Variants in MYO16 observed in about 807,000 individuals in gnomAD.
MYO16 encodes the protein myosin XVI.
A neutral mutation model predicts 205.3 loss-of-function variants in MYO16; 94 were observed. The observed-to-expected ratio is 0.46, with a 90% confidence interval of 0.39 to 0.54. The LOEUF (loss-of-function observed/expected upper bound fraction) is 0.54, where lower values mean the gene tolerates loss of function less well. Ranked by LOEUF, MYO16 falls within the 20% of genes least tolerant of loss-of-function variation. The pLI is 0.00. For missense variants in MYO16, 2,315 were observed against 2,387.5 expected (o/e 0.97, Z 0.63); for synonymous variants, 988 against 954.0 (o/e 1.04, Z -0.66).
the MYO16 span, among the ~76,000 whole-genome samples, chr13:108,585,861 A>G: frequency 2.0e-5 from 3 of 152,246 alleles, no homozygotes; most frequent in South Asian, 2.1e-4. Flanking sequence ...TTATATGTAG[A>G]TAAAAATATA....
chr13:108,518,373 CAAG>C, the MYO16 span, among the ~76,000 whole-genome samples: 1 of 152,088 alleles, frequency 6.6e-6, no homozygotes, highest in Non-Finnish European at 1.5e-5. Flanking sequence ...TTTGATACAT[CAAG>C]AAGATGTTCC....
At chr13:108,726,165 C>T (rs893415549) in intron 3 of MYO16, among the ~76,000 whole-genome samples, 1 of 152,122 alleles carries the variant, frequency 6.6e-6, no homozygotes, top group African/African-American at 2.4e-5. Context: ...GTATGTATCT[C>T]ATAACCCAGA....
intron 16 of MYO16, among the ~76,000 whole-genome samples, chr13:108,955,565 C>T (rs1883317517): frequency 6.6e-6 from 1 of 152,158 alleles, no homozygotes; most frequent in Admixed American, 6.5e-5. Context: ...CTTAAAGTCA[C>T]CTTCTCCAGC....
intron 7 of MYO16, among the ~76,000 whole-genome samples, chr13:108,815,324 A>G (rs2139003351): frequency 6.6e-6 from 1 of 152,336 alleles, no homozygotes; most frequent in Non-Finnish European, 1.5e-5. Flanking sequence ...TTTGCATTGT[A>G]ACTAAGCTAA....
At chr13:109,022,165 A>G (rs913296551) in intron 23 of MYO16, among the ~76,000 whole-genome samples, 2 of 137,892 alleles carry the variant, frequency 1.5e-5, no homozygotes, top group African/African-American at 5.8e-5. Context: ...ATTTATATAT[A>G]CAAATATATA....
chr13:108,510,623 C>T, the MYO16 span, among the ~76,000 whole-genome samples: 150 of 54,432 alleles, frequency 2.8e-3, 1 homozygote, highest in African/African-American at 0.011. Flanking sequence ...TCCCTCCCCC[C>T]TCCCCCGACC....
At chr13:109,135,071 A>G (rs930329408) in intron 31 of MYO16, among the ~76,000 whole-genome samples, 1 of 152,132 alleles carries the variant, frequency 6.6e-6, no homozygotes, top group African/African-American at 2.4e-5. Flanking sequence ...CAGCGCCTCA[A>G]GTGTGTCCTC....
chr13:108,793,285 CAAAA>C (rs756851025), intron 5 of MYO16, among the ~76,000 whole-genome samples: 1 of 98,898 alleles, frequency 1.0e-5, no homozygotes, highest in Admixed American at 1.1e-4. Context: ...GACTCTGTCT[CAAAA>C]AAAAAAAAAA....
At chr13:108,703,697 A>G (rs1317471614) in intron 2 of MYO16, among the ~76,000 whole-genome samples, 1 of 152,236 alleles carries the variant, frequency 6.6e-6, no homozygotes, top group Admixed American at 6.5e-5. Flanking sequence ...AAAATATTAC[A>G]AAGTATGTTC....
intron 16 of MYO16, among the ~76,000 whole-genome samples, chr13:108,933,855 G>T (rs1882367965): frequency 1.3e-5 from 2 of 152,012 alleles, no homozygotes; most frequent in South Asian, 2.1e-4. Flanking sequence ...TGTGATATTT[G>T]CTTTTCTGTT....
chr13:109,016,897 A>G (rs1327033348), intron 22 of MYO16, among the ~76,000 whole-genome samples: 1 of 152,006 alleles, frequency 6.6e-6, no homozygotes, highest in East Asian at 1.9e-4. Context: ...CAGCACACTG[A>G]TGGGTCTTGA....
intron 23 of MYO16, among the ~76,000 whole-genome samples, chr13:109,046,643 C>T (rs1383569738): frequency 6.6e-6 from 1 of 152,166 alleles, no homozygotes; most frequent in Admixed American, 6.5e-5. Flanking sequence ...AAGGAAACTA[C>T]ATGAATGTGA....
In MYO16 at chr13:108,804,435, C is replaced by G. The variant is rs77057206; in HGVS notation, c.742-2244C>G. 8.8e-3 allele frequency among the ~76,000 whole-genome samples: 1,334 copies of G among 152,218 alleles called. 24 individuals are homozygous for G. Among genetic ancestry groups the G allele is most frequent in the African/African-American group, 0.031 (1,282 of 41,526 alleles). On this transcript the variant is annotated intron_variant, in intron 6 of 34. Coordinates refer to ENST00000457511, the MANE Select transcript of MYO16 (RefSeq NM_001198950.3). Reference sequence around the variant, plus strand: ...GGATCAACACTGTTGCAGTTGGGCACCTGATATCCTCTAGTCATAGTCAGG... The same window carrying G: ...GGATCAACACTGTTGCAGTTGGGCAGCTGATATCCTCTAGTCATAGTCAGG...
chr13:109,184,630 C>T (rs1220020538), intron 34 of MYO16, among the ~76,000 whole-genome samples: 1 of 152,038 alleles, frequency 6.6e-6, no homozygotes, highest in African/African-American at 2.4e-5. Context: ...AGATAGTCTC[C>T]CTCTGTCCCA....
intron 33 of MYO16, among the ~76,000 whole-genome samples, chr13:109,178,385 CTTG>C (rs1879311726): frequency 2.0e-5 from 3 of 152,178 alleles, no homozygotes; most frequent in Admixed American, 6.5e-5. Context: ...CCTGGAAGGC[CTTG>C]TTGTGTGTTG....
At position 108,840,623 on chromosome 13, in the gene MYO16, G is replaced by A. The variant is rs576065234; in HGVS notation, c.1098-3720G>A. Among the ~76,000 whole-genome samples the A allele has an allele frequency of 2.3e-4, 35 of 152,062 alleles. No homozygotes were observed. The South Asian group carries it at 6.7e-3, about 29-fold the overall frequency. ...TGCAATCACAGTTCACTGCAGCCTCGACCTCATAGGCCCAAGTGATCCTCC... is the reference window on the plus strand; with the variant it reads ...TGCAATCACAGTTCACTGCAGCCTCAACCTCATAGGCCCAAGTGATCCTCC... On this transcript the variant is annotated intron_variant, in intron 9 of 34. Coordinates refer to ENST00000457511, the MANE Select transcript of MYO16 (RefSeq NM_001198950.3).
intron 24 of MYO16, among the ~76,000 whole-genome samples, chr13:109,050,141 T>C (rs1887197721): frequency 3.3e-5 from 5 of 152,180 alleles, no homozygotes; most frequent in Middle Eastern, 3.2e-3. Flanking sequence ...TATAAAGTTT[T>C]ACCAATTGTC....
intron 14 of MYO16, among the ~76,000 whole-genome samples, chr13:108,893,889 A>G (rs1448667974): frequency 6.6e-6 from 1 of 152,190 alleles, no homozygotes; most frequent in Non-Finnish European, 1.5e-5. Flanking sequence ...GTTGCCAAAT[A>G]ATGTGTAGTA....
At chr13:108,765,947 G>C (rs150266933) in intron 4 of MYO16, among the ~76,000 whole-genome samples, 1,554 of 152,232 alleles carry the variant, frequency 0.01, 13 homozygotes, top group Non-Finnish European at 0.017. Context: ...TTAAATGGCT[G>C]TAATAAAGGT....
Sources: allele counts gnomAD v4.1 joint callset (sites outside exome capture counted in the v4.1 genomes callset), GRCh38; gene constraint gnomAD v4.1.1; transcripts MANE v1.5; gene names NCBI Gene and HGNC (gene_info 2026-07-23, HGNC 2026-07-21).